Variants in LRMDA observed in about 807,000 individuals in gnomAD.
LRMDA encodes the protein leucine rich melanocyte differentiation associated, also known as leucine-rich melanocyte differentiation-associated protein.
LRMDA carries 18 observed loss-of-function variants against 29.8 expected under a neutral mutation model. The observed-to-expected ratio is 0.60, with a 90% CI of 0.42 to 0.90. The LOEUF (loss-of-function observed/expected upper bound fraction) is 0.90, where lower values mean the gene tolerates loss of function less well. LRMDA is among the 40% of genes least tolerant of loss of function. The pLI is 0.00. For synonymous variants in LRMDA, 125 were observed against 109.4 expected (o/e 1.14, Z -0.89); for missense variants, 273 against 273.9 (o/e 1.00, Z 0.02).
chr10:76,146,209 A>G (rs558550518), intron 5 of LRMDA, among the ~76,000 whole-genome samples: 54 of 152,048 alleles, frequency 3.6e-4, no homozygotes, highest in Non-Finnish European at 6.6e-4. Flanking sequence ...TATTAGGTCC[A>G]CTTGGTGCAG....
At chr10:76,241,101 G>A (rs192201618) in intron 5 of LRMDA, among the ~76,000 whole-genome samples, 1 of 152,028 alleles carries the variant, frequency 6.6e-6, no homozygotes, top group East Asian at 1.9e-4. Flanking sequence ...TGGACTTTGG[G>A]GTCTTGGGGG....
intron 5 of LRMDA, among the ~76,000 whole-genome samples, chr10:76,272,954 G>C (rs1442369647): frequency 6.6e-6 from 1 of 152,120 alleles, no homozygotes; most frequent in Non-Finnish European, 1.5e-5. Flanking sequence ...CTCCCACCGG[G>C]TCCCTCCTTC....
intron 5 of LRMDA, among the ~76,000 whole-genome samples, chr10:76,160,293 C>G (rs1432414712): frequency 1.3e-5 from 2 of 148,660 alleles, no homozygotes; most frequent in African/African-American, 5.0e-5. Context: ...TATCTTGTCT[C>G]TGGACCTTAA....
chr10:76,432,915 T>A (rs1029346097), intron 6 of LRMDA, among the ~76,000 whole-genome samples: 1 of 152,150 alleles, frequency 6.6e-6, no homozygotes, highest in Non-Finnish European at 1.5e-5. Context: ...GTGGTGGCCA[T>A]GTGTGCCACC....
intron 2 of LRMDA, among the ~76,000 whole-genome samples, chr10:75,801,044 A>T (rs775167705): frequency 2.4e-4 from 36 of 152,214 alleles, no homozygotes; most frequent in Non-Finnish European, 4.7e-4. Context: ...AGGAGTTTTC[A>T]TGCAAAGCTT....
At chr10:75,550,535 T>A (rs938190759) in intron 2 of LRMDA, among the ~76,000 whole-genome samples, 1 of 152,104 alleles carries the variant, frequency 6.6e-6, no homozygotes, top group Non-Finnish European at 1.5e-5. Context: ...TGTTAATATA[T>A]GTCTCTGTGT....
At chr10:75,930,730 A>G (rs377752372) in intron 2 of LRMDA, among the ~76,000 whole-genome samples, 4 of 152,198 alleles carry the variant, frequency 2.6e-5, no homozygotes, top group East Asian at 3.8e-4. Flanking sequence ...TTTGAGTGCA[A>G]TGTTCATTTA....
intron 6 of LRMDA, among the ~76,000 whole-genome samples, chr10:76,465,097 A>G (rs937567588): frequency 2.6e-5 from 4 of 152,168 alleles, no homozygotes; most frequent in African/African-American, 7.2e-5. Flanking sequence ...TTGGCAGACA[A>G]GAACTCTTGG....
chr10:76,408,765 T>C (rs1424092650), intron 6 of LRMDA, among the ~76,000 whole-genome samples: 2 of 152,154 alleles, frequency 1.3e-5, no homozygotes, highest in Non-Finnish European at 2.9e-5. Flanking sequence ...AATTCTACTT[T>C]CCACCTCCAC....
At chr10:76,147,923 G>T (rs1850360339) in intron 5 of LRMDA, among the ~76,000 whole-genome samples, 2 of 152,188 alleles carry the variant, frequency 1.3e-5, no homozygotes, top group Non-Finnish European at 2.9e-5. Context: ...CTCAGCTGCA[G>T]GTCTGTTGGA....
intron 6 of LRMDA, among the ~76,000 whole-genome samples, chr10:76,358,706 C>A (rs973818455): frequency 3.3e-5 from 5 of 152,166 alleles, no homozygotes; most frequent in African/African-American, 1.2e-4. Flanking sequence ...ATCTGCACAT[C>A]AACATATGCC....
rs71024595 is a variant in LRMDA, at chr10:76,254,342, T to TACCATACCATACCATA, written c.517-70059_517-70058insACCATACCATACCATA. ...TACCATACCATACCATACCATACCA[T>TACCATACCATACCATA]CCTATCCTATCCTATCCTATGCTAT... On this transcript the variant is annotated intron_variant, in intron 5 of 6. Transcript: ENST00000611255. 2.3e-3 allele frequency among the ~76,000 whole-genome samples: 317 copies of TACCATACCATACCATA among 139,562 alleles called. 5 individuals carry two copies. The highest frequency in any genetic ancestry group is 5.6e-3 in the East Asian group (24 of 4,274). The allele number at this position is 139,562 out of a possible 152,430, so 91.6% of individuals were successfully genotyped here. A position where few individuals can be genotyped will look rare whatever the true frequency, so the allele number is the denominator to read the frequency against.
chr10:75,778,134 G>A (rs1300371778), intron 2 of LRMDA, among the ~76,000 whole-genome samples: 1 of 152,078 alleles, frequency 6.6e-6, no homozygotes, highest in Admixed American at 6.5e-5. Flanking sequence ...CTGGAGTACA[G>A]TGACGTGATC....
chr10:76,279,242 C>T (rs1237956987), intron 5 of LRMDA, among the ~76,000 whole-genome samples: 1 of 152,170 alleles, frequency 6.6e-6, no homozygotes, highest in Non-Finnish European at 1.5e-5. Context: ...AGTTACTTAA[C>T]CTTTCTAGGT....
chr10:75,668,442 A>G (rs1230367624), intron 2 of LRMDA, among the ~76,000 whole-genome samples: 1 of 152,098 alleles, frequency 6.6e-6, no homozygotes, highest in African/African-American at 2.4e-5. Context: ...ACAAGTGCCC[A>G]TGTCTGCCAT....
intron 5 of LRMDA, among the ~76,000 whole-genome samples, chr10:76,134,471 G>T (rs1056769100): frequency 6.6e-6 from 1 of 152,162 alleles, no homozygotes; most frequent in Non-Finnish European, 1.5e-5. Flanking sequence ...CCTCGCATAT[G>T]GCTGTCTTCT....
chr10:76,210,917 G>C (rs935495650), intron 5 of LRMDA, among the ~76,000 whole-genome samples: 4 of 152,188 alleles, frequency 2.6e-5, no homozygotes, highest in African/African-American at 9.6e-5. Flanking sequence ...GGATGTCTAA[G>C]AGTTTTATTC....
chr10:76,397,479 A>T (rs1328433919), intron 6 of LRMDA, among the ~76,000 whole-genome samples: 1 of 152,262 alleles, frequency 6.6e-6, no homozygotes, highest in East Asian at 1.9e-4. Context: ...TGAAATAAAT[A>T]AGGCCAACTG....
intron 2 of LRMDA, among the ~76,000 whole-genome samples, chr10:75,873,986 G>T (rs550452624): frequency 2.0e-5 from 3 of 152,106 alleles, no homozygotes; most frequent in Non-Finnish European, 4.4e-5. Flanking sequence ...CTGTTTTCCA[G>T]GTGGTGGCAT....
Sources: allele counts gnomAD v4.1 joint callset (sites outside exome capture counted in the v4.1 genomes callset), GRCh38; gene constraint gnomAD v4.1.1; transcripts MANE v1.5; gene names NCBI Gene and HGNC (gene_info 2026-07-23, HGNC 2026-07-21).